FAM3B: variants seen among roughly 807,000 people sequenced by gnomAD.
FAM3B encodes the protein protein FAM3B.
FAM3B carries 29 observed loss-of-function variants against 28.4 expected under a neutral mutation model. The ratio of observed to expected loss-of-function variants is 1.02; its 90% confidence interval spans 0.76 to 1.39. The LOEUF (loss-of-function observed/expected upper bound fraction) is 1.39. FAM3B is among the 40% of genes most tolerant of loss of function. The pLI is 0.00. For missense variants in FAM3B, 266 were observed against 293.9 expected, an observed-to-expected ratio of 0.91 and a Z score of 0.69; for synonymous variants, 91 against 103.0, an observed-to-expected ratio of 0.88 and a Z score of 0.71.
At chr21:41,348,792 TC>T (rs1344162859) in intron 7 of FAM3B, 68 bp downstream of exon 7, 4 of 1,570,770 alleles carry the variant, frequency 2.5e-6, no homozygotes, top group Admixed American at 1.7e-5. Flanking sequence ...TTGAAAACGT[TC>T]CTGGTGGGTT....
At chr21:41,325,158 C>A (rs1568914130) in intron 2 of FAM3B, among the ~76,000 whole-genome samples, 1 of 152,122 alleles carries the variant, frequency 6.6e-6, no homozygotes. Context: ...GAATACAACT[C>A]CAATTGGGAA....
chr21:41,330,644 A>G lies in FAM3B; in HGVS notation c.163+7578A>G, dbSNP rs78297287. Among the ~76,000 whole-genome samples the G allele has an allele frequency of 7.8e-3, 1,189 of 152,294 alleles. 22 individuals carry two copies. The highest frequency in any genetic ancestry group is 0.026 in the African/African-American group (1,087 of 41,556). ...TCTCACCATCCTGCTCTTTGCTTCT[A>G]TGAGTTCAACTTGTTTACATTCCAC... On this transcript the variant is annotated intron_variant, in intron 2 of 7. Coordinates refer to ENST00000357985, the MANE Select transcript of FAM3B (RefSeq NM_058186.4).
At chr21:41,320,943 A>G (rs2088797750) in intron 1 of FAM3B, 1 of 152,092 alleles carries the variant, frequency 6.6e-6, no homozygotes, top group Non-Finnish European at 1.5e-5. Context: ...ACCGTTACCT[A>G]TTCCTTCATG....
At chr21:41,352,232 A>C (rs538328070) in intron 7 of FAM3B, among the ~76,000 whole-genome samples, 1 of 152,236 alleles carries the variant, frequency 6.6e-6, no homozygotes, top group Admixed American at 6.5e-5. Context: ...GGCTCTGTTC[A>C]GGTCTCGTCT....
chr21:41,304,643 G>A (rs2123680531), intron 1 of FAM3B, among the ~76,000 whole-genome samples: 1 of 152,310 alleles, frequency 6.6e-6, no homozygotes, highest in African/African-American at 2.4e-5. Flanking sequence ...GCAGGCAGCG[G>A]GTGGGCACTC....
chr21:41,347,141 G>A (rs2089068582), intron 6 of FAM3B, 41 bp downstream of exon 6: 4 of 1,573,128 alleles, frequency 2.5e-6, no homozygotes, highest in South Asian at 2.2e-5. Flanking sequence ...GGCAAGAGAA[G>A]CCAGCTGGGG....
chr21:41,312,543 T>C (rs1187007457), upstream of FAM3B, among the ~76,000 whole-genome samples: 3 of 152,164 alleles, frequency 2.0e-5, no homozygotes, highest in African/African-American at 7.2e-5. Context: ...GAATGATCAC[T>C]GAATGCAAAG....
At chr21:41,342,084 T>C (rs2089011686) in intron 3 of FAM3B, among the ~76,000 whole-genome samples, 1 of 152,248 alleles carries the variant, frequency 6.6e-6, no homozygotes, top group Non-Finnish European at 1.5e-5. Flanking sequence ...CTCTGAAATA[T>C]CTTTATTTCA....
intron 7 of FAM3B, among the ~76,000 whole-genome samples, chr21:41,356,814 G>A (rs1232381529): frequency 2.6e-5 from 4 of 152,178 alleles, no homozygotes; most frequent in African/African-American, 9.6e-5. Context: ...TAATTTGAAT[G>A]TTCCTCTCAC....
At chr21:41,319,175 T>C (rs2088778762) in intron 1 of FAM3B, among the ~76,000 whole-genome samples, 1 of 152,096 alleles carries the variant, frequency 6.6e-6, no homozygotes, top group Non-Finnish European at 1.5e-5. Context: ...AGGTAACAGG[T>C]GTAAGCCACT....
At chr21:41,349,440 C>T (rs1420190978) in intron 7 of FAM3B, among the ~76,000 whole-genome samples, 4 of 152,124 alleles carry the variant, frequency 2.6e-5, no homozygotes, top group East Asian at 3.9e-4. Context: ...GCTGCATGAC[C>T]AAGGCGCGAG....
intron 2 of FAM3B, among the ~76,000 whole-genome samples, chr21:41,324,159 T>G (rs2088835670): frequency 6.6e-6 from 1 of 152,096 alleles, no homozygotes; most frequent in Non-Finnish European, 1.5e-5. Flanking sequence ...GGGGACACAT[T>G]CAGTCCACAG....
At chr21:41,309,470 T>C (rs1424819138) in intron 1 of FAM3B, among the ~76,000 whole-genome samples, 1 of 152,204 alleles carries the variant, frequency 6.6e-6, no homozygotes, top group East Asian at 1.9e-4. Flanking sequence ...ATCATGATGA[T>C]GCAGAAAACC....
intron 2 of FAM3B, among the ~76,000 whole-genome samples, chr21:41,332,599 A>G (rs2088916015): frequency 1.3e-5 from 2 of 152,120 alleles, no homozygotes. Context: ...ATTGATTGGT[A>G]TTAGTTCTTT....
intron 1 of FAM3B, 62 bp downstream of exon 1, chr21:41,316,960 G>A (rs968871203): frequency 1.6e-6 from 2 of 1,256,002 alleles, no homozygotes; most frequent in South Asian, 2.8e-5. Flanking sequence ...CAGGGGAAGC[G>A]TCGCTCCCCA....
intron 1 of FAM3B, among the ~76,000 whole-genome samples, chr21:41,317,309 C>A (rs972909761): frequency 2.7e-5 from 4 of 150,712 alleles, no homozygotes; most frequent in African/African-American, 9.7e-5. Context: ...TACGCGCCTG[C>A]CCCTGCCCCT....
intron 2 of FAM3B, among the ~76,000 whole-genome samples, chr21:41,324,215 C>A (rs919025786): frequency 6.6e-6 from 1 of 152,182 alleles, no homozygotes; most frequent in Non-Finnish European, 1.5e-5. Context: ...CTGTCAGAGA[C>A]AAGATTTGTC....
intron 1 of FAM3B, among the ~76,000 whole-genome samples, chr21:41,317,257 C>T (rs1296953749): frequency 6.9e-6 from 1 of 145,428 alleles, no homozygotes; most frequent in Non-Finnish European, 1.5e-5. Flanking sequence ...CGCACCCCCA[C>T]CCCCCACCCG....
intron 3 of FAM3B, among the ~76,000 whole-genome samples, chr21:41,341,804 C>T (rs2089009378): frequency 2.0e-5 from 3 of 152,186 alleles, no homozygotes; most frequent in African/African-American, 7.2e-5. Flanking sequence ...GGTGCACATG[C>T]ACATACATTT....
Sources: allele counts gnomAD v4.1 joint callset (sites outside exome capture counted in the v4.1 genomes callset), GRCh38; gene constraint gnomAD v4.1.1; transcripts MANE v1.5; gene names NCBI Gene and HGNC (gene_info 2026-07-23, HGNC 2026-07-21).